The following TG variants were observed in gnomAD, a reference collection of about 807,000 sequenced individuals.
The protein encoded by TG is thyroid hormones.
A neutral mutation model predicts 324.7 loss-of-function variants in TG; 270 were observed. The observed-to-expected ratio is 0.83, with a 90% CI of 0.75 to 0.92. TG has a LOEUF of 0.92. Among genes scored for constraint, TG ranks in the 40% least tolerant of loss-of-function variants. TG has a pLI of 0.00. For synonymous variants in TG, 1,401 were observed against 1,327.0 expected, an observed-to-expected ratio of 1.06 and a Z score of -1.21; for missense variants, 3,591 against 3,456.4, an observed-to-expected ratio of 1.04 and a Z score of -0.98.
intron 29 of TG, among the ~76,000 whole-genome samples, chr8:132,964,225 A>T (rs978090289): frequency 3.3e-5 from 5 of 151,368 alleles, no homozygotes; most frequent in African/African-American, 1.2e-4. Flanking sequence ...CATCTGCAAA[A>T]CTCTCACATG....
Position 133,036,995 on chromosome 8 carries a change from G to T in TG, c.7239+6972G>T, listed in dbSNP as rs537224554. ...TTCCTTTGAAATAGCCTTTTGGAAC[G>T]GTTGGGGAAACCACAGATGTCTCCT... is the stretch of plus-strand genomic sequence containing the variant. On this transcript the variant is annotated intron_variant, in intron 41 of 47. Coordinates refer to ENST00000220616, the MANE Select transcript of TG (RefSeq NM_003235.5). 3.9e-5 allele frequency: 6 copies of T among 152,340 alleles called. 1 individual carries two copies. Among genetic ancestry groups the T allele is most frequent in the Middle Eastern group, 3.4e-3 (1 of 294 alleles). 9.4% of individuals were successfully genotyped at this position (152,340 alleles called of 1,614,324 possible). A position where few individuals can be genotyped will look rare whatever the true frequency, so the allele number is the denominator to read the frequency against.
In TG at chr8:132,967,858, C is replaced by T. The variant is rs200470112; in HGVS notation, c.5751C>T (p.Phe1917=). Residue 1917 remains phenylalanine (F), a synonymous_variant, in exon 31 of 48, where the codon TTC becomes TTT. Coordinates refer to ENST00000220616, the MANE Select transcript of TG (RefSeq NM_003235.5). ...AEITESASLY[F]TCTLYPEAQV... ...TAACAGAGAGTGCATCCTTGTACTT[C>T]ACCTGCACCCTCTACCCAGAGGCAC... The T allele has an allele frequency of 2.0e-4, 327 of 1,613,898 alleles. No individual in the cohort carries two copies. Among genetic ancestry groups the T allele is most frequent in the Non-Finnish European group, 2.5e-4 (295 of 1,179,956 alleles).
chr8:132,962,067 G>A (rs1042887008), intron 28 of TG, among the ~76,000 whole-genome samples: 14 of 152,128 alleles, frequency 9.2e-5, no homozygotes, highest in African/African-American at 3.4e-4. Context: ...AAACAATGCT[G>A]TGGATATCAT....
chr8:132,896,573 G>A (rs909857190), intron 11 of TG, among the ~76,000 whole-genome samples: 5 of 152,150 alleles, frequency 3.3e-5, no homozygotes, highest in South Asian at 2.1e-4. Context: ...GAGCTCAGGC[G>A]ACAGTTCATG....
rs766003525 is a variant in TG, at chr8:132,941,456, A to G, written c.5147A>G (p.Asn1716Ser). ...NPIVFSASGA[N>S]LTDAHLFCLL... ...ATTGTGTTCTCAGCCTCAGGAGCCA[A>G]TCTAACCGATGCTCACCTCTTCTGT... Residue 1716 changes from asparagine to serine, a missense_variant, in exon 26 of 48, where the codon AAT becomes AGT. By Grantham distance (46) the Asn-to-Ser change is conservative. Transcript: ENST00000220616. 14 of 1,614,188 alleles carry G rather than the reference A, an allele frequency of 8.7e-6. No homozygotes were observed. Among genetic ancestry groups the G allele is most frequent in the South Asian group, 2.2e-5 (2 of 91,078 alleles).
chr8:132,963,158 G>A (rs1587596678), intron 29 of TG, 84 bp downstream of exon 29: 18 of 1,234,054 alleles, frequency 1.5e-5, no homozygotes, highest in Middle Eastern at 1.9e-4. Context: ...ATCAATGAAC[G>A]GACGTATTGA....
At chr8:132,899,463 G>A (rs1297309817) in intron 14 of TG, among the ~76,000 whole-genome samples, 1 of 152,162 alleles carries the variant, frequency 6.6e-6, no homozygotes, top group Non-Finnish European at 1.5e-5. Flanking sequence ...AAAATAGGAT[G>A]GTAGGAACAC....
At chr8:132,952,338 C>T (rs1826226559) in intron 27 of TG, among the ~76,000 whole-genome samples, 1 of 152,150 alleles carries the variant, frequency 6.6e-6, no homozygotes, top group Non-Finnish European at 1.5e-5. Flanking sequence ...TGGCTTTTCC[C>T]CTAGCTCTGT....
intron 40 of TG, among the ~76,000 whole-genome samples, chr8:133,024,876 T>C (rs889799753): frequency 2.6e-5 from 4 of 152,200 alleles, no homozygotes; most frequent in Admixed American, 2.0e-4. Context: ...AACATAAGTG[T>C]GCATGTGTCT....
At chr8:132,872,939 G>A (rs919636086) in intron 4 of TG, 123 bp from the exon 5 acceptor site, 23 of 1,084,948 alleles carry the variant, frequency 2.1e-5, no homozygotes, top group South Asian at 1.5e-4. Flanking sequence ...CAATGAAACC[G>A]CCGAACGATG....
intron 21 of TG, among the ~76,000 whole-genome samples, chr8:132,922,652 T>C (rs1821273138): frequency 6.6e-6 from 1 of 152,238 alleles, no homozygotes; most frequent in Non-Finnish European, 1.5e-5. Context: ...CAGAAATTTA[T>C]TTCTCACAGT....
chr8:133,134,500 A>G lies in TG; in HGVS notation c.8189-176A>G, dbSNP rs898516076. ...ATCCAAGTACCATTGTACCCTTAGC[A>G]TGTCCCTATAGCCAGGAGACCCATC... On this transcript the variant is annotated intron_variant, in intron 47 of 47. Coordinates refer to ENST00000220616, the MANE Select transcript of TG (RefSeq NM_003235.5). Among the ~76,000 whole-genome samples, 19 of 152,328 alleles carry G rather than the reference A, an allele frequency of 1.2e-4. No individual in the cohort carries two copies. The Middle Eastern group carries it at 0.014, about 109-fold the overall frequency.
intron 35 of TG, among the ~76,000 whole-genome samples, chr8:133,010,260 C>CA (rs1285447884): frequency 1.3e-5 from 2 of 152,184 alleles, no homozygotes; most frequent in Non-Finnish European, 2.9e-5. Context: ...GTGAAAGAGG[C>CA]ACTAGAGCCC....
At chr8:133,091,702 CCTT>C (rs1413528229) in intron 41 of TG, among the ~76,000 whole-genome samples, 1 of 151,126 alleles carries the variant, frequency 6.6e-6, no homozygotes. Context: ...GTTTGTGTGT[CCTT>C]CTGCACTTAT....
chr8:132,938,502 C>T (rs1469134657), intron 25 of TG, among the ~76,000 whole-genome samples: 1 of 152,214 alleles, frequency 6.6e-6, no homozygotes, highest in Non-Finnish European at 1.5e-5. Context: ...AAAGGCCTTC[C>T]TGGCCTGCTT....
At chr8:133,055,362 C>T (rs975725169) in intron 41 of TG, among the ~76,000 whole-genome samples, 6 of 11,308 alleles carry the variant, frequency 5.3e-4, no homozygotes, top group African/African-American at 3.9e-3. Flanking sequence ...CACACGCACG[C>T]GCGCACACAC....
intron 41 of TG, chr8:133,050,162 A>G (rs1564118182): frequency 3.2e-6 from 2 of 627,404 alleles, no homozygotes; most frequent in Admixed American, 2.3e-5. Context: ...TTTTTAAAGG[A>G]TATGTGTCCA....
intron 27 of TG, among the ~76,000 whole-genome samples, chr8:132,950,010 G>A (rs1358125805): frequency 6.6e-6 from 1 of 152,224 alleles, no homozygotes; most frequent in Non-Finnish European, 1.5e-5. Context: ...GGTTAGAAAT[G>A]CAGAGTCTCA....
chr8:133,087,071 T>TAC (rs56028043), intron 41 of TG, among the ~76,000 whole-genome samples: 1,889 of 143,056 alleles, frequency 0.013, 20 homozygotes, highest in East Asian at 0.033. Flanking sequence ...AATATATGTT[T>TAC]ACACACACAC....
Sources: gnomAD v4.1 joint callset for allele counts (sites outside exome capture counted in the v4.1 genomes callset) on GRCh38, gnomAD v4.1.1 for gene constraint, MANE v1.5 for transcripts, NCBI Gene and HGNC (gene_info 2026-07-23, HGNC 2026-07-21) for gene names.